The following RAB5B variants were observed in gnomAD, a reference collection of about 807,000 sequenced individuals.
The protein encoded by RAB5B is RAB5B, member RAS oncogene family, also known as ras-related protein Rab-5B.
Under a neutral mutation model 28.6 loss-of-function variants are expected in RAB5B, and 11 were observed. The ratio of observed to expected loss-of-function variants is 0.38; its 90% CI spans 0.24 to 0.64. RAB5B has a LOEUF of 0.64. Ranked by LOEUF, RAB5B falls within the 30% of genes least tolerant of loss-of-function variation. The probability of loss-of-function intolerance (pLI) is 0.53; values close to 1 mark genes in which losing one functional copy is unlikely to be tolerated. For synonymous variants in RAB5B, 93 were observed against 97.9 expected, an observed-to-expected ratio of 0.95 and a Z score of 0.29; for missense variants, 169 against 265.6, an observed-to-expected ratio of 0.64 and a Z score of 2.53.
At chr12:55,988,443 C>T (rs1890016788) in intron 2 of RAB5B, among the ~76,000 whole-genome samples, 1 of 152,178 alleles carries the variant, frequency 6.6e-6, no homozygotes, top group African/African-American at 2.4e-5. Context: ...AAATAGGGTG[C>T]TAATTCAATA....
chr12:55,992,449 G>A lies in RAB5B; in HGVS notation c.*237G>A. The A allele has an allele frequency of 1.5e-6, 1 of 672,408 alleles. No individual in the cohort carries two copies. The highest frequency in any genetic ancestry group is 2.7e-6 in the Non-Finnish European group (1 of 366,182). The allele number at this position is 672,408 out of a possible 1,614,324, so 41.7% of individuals were successfully genotyped here. On this transcript the variant is annotated 3_prime_UTR_variant, in exon 6 of 6. Coordinates refer to ENST00000360299, the MANE Select transcript of RAB5B (RefSeq NM_002868.4). ...GGGGCTTGGGGGTCAACTCCCCCCA[G>A]GACTTACCTTCCAAAACAAACTTTC...
chr12:55,978,067 A>G (rs1272101185), intron 1 of RAB5B, among the ~76,000 whole-genome samples: 2 of 152,246 alleles, frequency 1.3e-5, no homozygotes, highest in Non-Finnish European at 1.5e-5. Flanking sequence ...TCTGAGGCAT[A>G]GTAACGGGTG....
intron 2 of RAB5B, 87 bp from the exon 3 acceptor site, chr12:55,989,860 A>G: frequency 6.9e-7 from 1 of 1,455,516 alleles, no homozygotes; most frequent in Non-Finnish European, 9.6e-7. Context: ...GTCTTAGTGT[A>G]GGGCAGTTAC....
Position 55,995,991 on chromosome 12 carries a change from A to ATTTTT in RAB5B, c.*3780_*3781insTTTTT, listed in dbSNP as rs1406160824. On this transcript the variant is annotated 3_prime_UTR_variant, in exon 6 of 6. Transcript: ENST00000360299. ...TCTCTCCATATATATATACATATAT[A>ATTTTT]TATATATATATATTTTTTTTTTAAC... 2.0e-5 allele frequency: 2 copies of ATTTTT among 97,950 alleles called. No homozygotes were observed. The highest frequency in any genetic ancestry group is 9.3e-5 in the Admixed American group (1 of 10,778). 6.1% of individuals were successfully genotyped at this position (97,950 alleles called of 1,614,324 possible). A position where few individuals can be genotyped will look rare whatever the true frequency, so the allele number is the denominator to read the frequency against.
intron 4 of RAB5B, 67 bp downstream of exon 4, chr12:55,990,871 C>T: frequency 1.3e-6 from 2 of 1,578,884 alleles, no homozygotes; most frequent in South Asian, 1.1e-5. Flanking sequence ...TTTTCCAAAC[C>T]AGCCCTCTCT....
chr12:55,989,528 C>G (rs571085386), intron 2 of RAB5B, among the ~76,000 whole-genome samples: 26 of 152,060 alleles, frequency 1.7e-4, no homozygotes, highest in Non-Finnish European at 3.5e-4. Flanking sequence ...CCTGCCTCAG[C>G]CCCCACCTCC....
chr12:55,991,064 G>A, intron 4 of RAB5B: 1 of 532,638 alleles, frequency 1.9e-6, no homozygotes, highest in Non-Finnish European at 3.3e-6. Context: ...GAAGGAGGGA[G>A]CAATTAAATT....
chr12:55,988,171 C>G (rs985723805), intron 2 of RAB5B, among the ~76,000 whole-genome samples: 4 of 150,836 alleles, frequency 2.7e-5, no homozygotes, highest in African/African-American at 9.7e-5. Flanking sequence ...ACAACAACAA[C>G]AACAACAAAG....
chr12:55,982,243 C>T (rs1258687637), intron 1 of RAB5B, among the ~76,000 whole-genome samples: 1 of 97,112 alleles, frequency 1.0e-5, no homozygotes, highest in Non-Finnish European at 2.1e-5. Flanking sequence ...GACTGGTTTA[C>T]CAAAAAAAAA....
chr12:55,984,162 C>T (rs533139871), intron 1 of RAB5B, among the ~76,000 whole-genome samples: 6 of 151,800 alleles, frequency 4.0e-5, no homozygotes, highest in Admixed American at 2.0e-4. Flanking sequence ...TTACAAATGC[C>T]GGCCACCAAC....
At chr12:55,983,384 T>TCATTTAAATTGAA (rs1404716133) in intron 1 of RAB5B, among the ~76,000 whole-genome samples, 1 of 152,246 alleles carries the variant, frequency 6.6e-6, no homozygotes. Context: ...TTAAAGATAC[T>TCATTTAAATTGAA]CATTTAAATT....
chr12:55,986,626 TCA>T (rs1889958665), intron 1 of RAB5B, among the ~76,000 whole-genome samples: 1 of 152,154 alleles, frequency 6.6e-6, no homozygotes, highest in Non-Finnish European at 1.5e-5. Flanking sequence ...TTAAAAACTC[TCA>T]GTTTTCAGTC....
chr12:55,983,966 TTC>T (rs1219989607), intron 1 of RAB5B, among the ~76,000 whole-genome samples: 1 of 152,098 alleles, frequency 6.6e-6, no homozygotes, highest in East Asian at 1.9e-4. Context: ...GGCCTGTTTT[TTC>T]TCTTTTTCTT....
chr12:55,980,264 T>C (rs187849119), intron 1 of RAB5B, among the ~76,000 whole-genome samples: 1 of 152,206 alleles, frequency 6.6e-6, no homozygotes, highest in Non-Finnish European at 1.5e-5. Flanking sequence ...TTCCTTCTTT[T>C]CCTTTCTGCT....
In RAB5B at chr12:55,993,363, C is replaced by G. The variant is rs1360324002; in HGVS notation, c.*1151C>G. The G allele has an allele frequency of 6.6e-6, 1 of 152,620 alleles. No individual in the cohort carries two copies. Among genetic ancestry groups the G allele is most frequent in the Non-Finnish European group, 1.5e-5 (1 of 68,032 alleles). 9.5% of individuals were successfully genotyped at this position (152,620 alleles called of 1,614,324 possible). On this transcript the variant is annotated 3_prime_UTR_variant, in exon 6 of 6. Transcript: ENST00000360299. ...TATCTCCACTGTTAGCTTCCTCCAA[C>G]TCTAATTATTAACCTATATTCTTGC...
intron 1 of RAB5B, among the ~76,000 whole-genome samples, chr12:55,977,289 G>C (rs1889673761): frequency 6.6e-6 from 1 of 152,068 alleles, no homozygotes; most frequent in Non-Finnish European, 1.5e-5. Flanking sequence ...GTGCGTGTGT[G>C]TGTGTGTGTT....
intron 4 of RAB5B, 74 bp downstream of exon 4, chr12:55,990,878 C>T: frequency 6.4e-7 from 1 of 1,563,918 alleles, no homozygotes; most frequent in East Asian, 2.3e-5. Context: ...AACCAGCCCT[C>T]TCTGAAAACG....
rs538106567 is a variant in RAB5B at position 55,993,592 on chromosome 12, C to T, written c.*1380C>T. ...CTACTTCCTTGTAAATAGGTATGAT[C>T]TTTATTCCCACTGTACAGTCTGTTC... On this transcript the variant is annotated 3_prime_UTR_variant, in exon 6 of 6. Coordinates refer to ENST00000360299, the MANE Select transcript of RAB5B (RefSeq NM_002868.4). 2 of 152,674 alleles carry T rather than the reference C, an allele frequency of 1.3e-5. No individual in the cohort carries two copies. Among genetic ancestry groups the T allele is most frequent in the South Asian group, 2.1e-4 (1 of 4,826 alleles). The allele number at this position is 152,674 out of a possible 1,614,324, so 9.5% of individuals were successfully genotyped here.
intron 4 of RAB5B, chr12:55,991,077 T>C (rs1890102855): frequency 1.9e-6 from 1 of 531,696 alleles, no homozygotes; most frequent in Admixed American, 3.2e-5. Flanking sequence ...ATTAAATTTG[T>C]GGTAAGGGAC....
Sources: allele counts gnomAD v4.1 joint callset (sites outside exome capture counted in the v4.1 genomes callset), GRCh38; gene constraint gnomAD v4.1.1; transcripts MANE v1.5; gene names NCBI Gene and HGNC (gene_info 2026-07-23, HGNC 2026-07-21).